Variants in CADM2 observed in about 807,000 individuals in gnomAD.
The protein encoded by CADM2 is cell adhesion molecule 2.
In CADM2, 12 loss-of-function variants were observed where a neutral mutation model predicts 49.8. The observed-to-expected ratio is 0.24, with a 90% CI of 0.15 to 0.39. The LOEUF (loss-of-function observed/expected upper bound fraction) is 0.39, where lower values mean the gene tolerates loss of function less well. Ranked by LOEUF, CADM2 falls within the 10% of genes least tolerant of loss-of-function variation. The probability of loss-of-function intolerance (pLI) is 1.00; values close to 1 mark genes in which losing one functional copy is unlikely to be tolerated. For synonymous variants in CADM2, 214 were observed against 175.4 expected, an observed-to-expected ratio of 1.22 and a Z score of -1.74; for missense variants, 378 against 492.3, an observed-to-expected ratio of 0.77 and a Z score of 2.20.
At chr3:84,980,676 C>T (rs1250704568) in intron 1 of CADM2, among the ~76,000 whole-genome samples, 1 of 152,130 alleles carries the variant, frequency 6.6e-6, no homozygotes, top group African/African-American at 2.4e-5. Flanking sequence ...ACAGGCATGA[C>T]CTGTGTTCTT....
intron 1 of CADM2, among the ~76,000 whole-genome samples, chr3:85,202,193 C>G (rs910428954): frequency 2.0e-5 from 3 of 151,470 alleles, no homozygotes; most frequent in Admixed American, 6.6e-5. Flanking sequence ...CTCTTGCTAA[C>G]TGTTTCCAAA....
At chr3:85,267,768 A>G (rs772791525) in intron 1 of CADM2, among the ~76,000 whole-genome samples, 1 of 151,572 alleles carries the variant, frequency 6.6e-6, no homozygotes, top group Non-Finnish European at 1.5e-5. Flanking sequence ...ATTAGTGATA[A>G]CAATAGCCAA....
intron 1 of CADM2, chr3:84,960,320 A>G (rs940750455): frequency 3.9e-5 from 6 of 152,158 alleles, no homozygotes; most frequent in African/African-American, 1.4e-4. Context: ...AAAAGAAAAG[A>G]AAAGAAAAAG....
At chr3:86,050,043 T>A (rs989047899) in intron 8 of CADM2, among the ~76,000 whole-genome samples, 2 of 152,134 alleles carry the variant, frequency 1.3e-5, no homozygotes, top group Non-Finnish European at 2.9e-5. Context: ...GTTCAAAGTC[T>A]CATCTGGGAC....
chr3:85,183,241 G>A (rs965779359), intron 1 of CADM2, among the ~76,000 whole-genome samples: 7 of 152,120 alleles, frequency 4.6e-5, no homozygotes, highest in African/African-American at 1.7e-4. Context: ...AATGAATGCA[G>A]TTTTATTTTC....
intron 3 of CADM2, among the ~76,000 whole-genome samples, chr3:85,843,785 C>A (rs1186025135): frequency 1.3e-5 from 2 of 151,904 alleles, no homozygotes; most frequent in African/African-American, 4.8e-5. Context: ...GCTAAAACAC[C>A]AGGAGAAACT....
At chr3:85,479,141 A>T (rs1361636603) in intron 1 of CADM2, among the ~76,000 whole-genome samples, 2 of 151,708 alleles carry the variant, frequency 1.3e-5, no homozygotes, top group Non-Finnish European at 2.9e-5. Context: ...TGTTTTAGAG[A>T]TGGGATGTCC....
intron 3 of CADM2, among the ~76,000 whole-genome samples, chr3:85,864,074 G>C (rs1042128159): frequency 1.3e-5 from 2 of 152,180 alleles, no homozygotes; most frequent in African/African-American, 2.4e-5. Context: ...CAGGAACTAG[G>C]AGAATGATGG....
chr3:85,026,535 T>C (rs2034736115), intron 1 of CADM2, among the ~76,000 whole-genome samples: 1 of 152,202 alleles, frequency 6.6e-6, no homozygotes, highest in East Asian at 1.9e-4. Context: ...TAGTTTTATA[T>C]TTTGTCCAAA....
chr3:85,662,303 A>G (rs142461901), intron 1 of CADM2, among the ~76,000 whole-genome samples: 5 of 151,934 alleles, frequency 3.3e-5, no homozygotes, highest in African/African-American at 1.2e-4. Context: ...AAAAAATGAA[A>G]TACAATTTCA....
At chr3:85,326,484 T>A (rs1559780747) in intron 1 of CADM2, among the ~76,000 whole-genome samples, 1 of 152,190 alleles carries the variant, frequency 6.6e-6, no homozygotes, top group Non-Finnish European at 1.5e-5. Context: ...ACACTATTTT[T>A]TTCCATTAAC....
At chr3:85,692,919 G>T (rs2066429716) in intron 1 of CADM2, among the ~76,000 whole-genome samples, 1 of 152,006 alleles carries the variant, frequency 6.6e-6, no homozygotes, top group Non-Finnish European at 1.5e-5. Context: ...TGGTTGTTCT[G>T]AACTCCAAAG....
intron 1 of CADM2, among the ~76,000 whole-genome samples, chr3:85,388,774 C>T (rs368742743): frequency 1.3e-5 from 2 of 151,862 alleles, no homozygotes; most frequent in South Asian, 2.1e-4. Flanking sequence ...AACCTACCCA[C>T]CTCCACCATT....
intron 8 of CADM2, among the ~76,000 whole-genome samples, chr3:86,041,367 A>C (rs1320543977): frequency 6.6e-6 from 1 of 152,216 alleles, no homozygotes; most frequent in Non-Finnish European, 1.5e-5. Flanking sequence ...CATAGGCTCA[A>C]AATAAAAGGA....
intron 1 of CADM2, among the ~76,000 whole-genome samples, chr3:85,435,457 A>C (rs1341987185): frequency 6.6e-6 from 1 of 152,176 alleles, no homozygotes; most frequent in Non-Finnish European, 1.5e-5. Flanking sequence ...TTCTATTGTG[A>C]ATAGTGCTGC....
chr3:85,644,019 A>C (rs891207337), intron 1 of CADM2, among the ~76,000 whole-genome samples: 1 of 152,142 alleles, frequency 6.6e-6, no homozygotes, highest in Non-Finnish European at 1.5e-5. Context: ...TGGATATTTA[A>C]GATTGAAAGA....
chr3:85,449,828 T>A lies in CADM2; in HGVS notation c.62-276694T>A, dbSNP rs1348444207. Among the ~76,000 whole-genome samples, 7 of 152,312 alleles carry A rather than the reference T, an allele frequency of 4.6e-5. No individual in the cohort carries two copies. The South Asian group carries it at 1.2e-3, about 27-fold the overall frequency. ...AGATGAGAAAATGAATAAAAGCCGA[T>A]GCCCATGGTCTCTCAGTGAGGTAGT... On this transcript the variant is annotated intron_variant, in intron 1 of 9. Transcript: ENST00000383699.
At chr3:85,552,442 G>A (rs1358733204) in intron 1 of CADM2, among the ~76,000 whole-genome samples, 6 of 142,048 alleles carry the variant, frequency 4.2e-5, no homozygotes, top group African/African-American at 1.1e-4. Flanking sequence ...GTGCAGTGGC[G>A]CCATCTCGGC....
At chr3:85,229,556 A>G (rs1241872462) in intron 1 of CADM2, among the ~76,000 whole-genome samples, 1 of 152,204 alleles carries the variant, frequency 6.6e-6, no homozygotes, top group Non-Finnish European at 1.5e-5. Flanking sequence ...TAGGAGCTGC[A>G]GACCAGAGCT....
Sources: allele counts gnomAD v4.1 joint callset (sites outside exome capture counted in the v4.1 genomes callset), GRCh38; gene constraint gnomAD v4.1.1; transcripts MANE v1.5; gene names NCBI Gene and HGNC (gene_info 2026-07-23, HGNC 2026-07-21).